MYO1E: variants seen among roughly 807,000 people sequenced by gnomAD.
The protein encoded by MYO1E is unconventional myosin-Ie.
In MYO1E, 68 loss-of-function variants were observed where a neutral mutation model predicts 151.1. The ratio of observed to expected loss-of-function variants is 0.45; its 90% CI spans 0.37 to 0.55. The LOEUF (loss-of-function observed/expected upper bound fraction) is 0.55. Among genes scored for constraint, MYO1E ranks in the 20% least tolerant of loss-of-function variants. The pLI, the probability that MYO1E is intolerant of heterozygous loss-of-function variation, is 0.00. For synonymous variants in MYO1E, 601 were observed against 501.7 expected (o/e 1.20, Z -2.64); for missense variants, 1,363 against 1,389.3 (o/e 0.98, Z 0.30).
At chr15:59,217,732 T>C (rs1040721271) in intron 10 of MYO1E, among the ~76,000 whole-genome samples, 159 bp downstream of exon 10, 4 of 151,836 alleles carry the variant, frequency 2.6e-5, no homozygotes, top group Admixed American at 2.6e-4. Flanking sequence ...CTCACCATGT[T>C]GCAGAGGCTG....
rs539776697 is a variant in MYO1E, at chr15:59,153,396, G to A, written c.3080+194C>T. Among the ~76,000 whole-genome samples, 3 of 152,306 alleles carry A rather than the reference G, an allele frequency of 2.0e-5. No homozygotes were observed. In the East Asian group the frequency reaches 5.8e-4, roughly 29 times the overall value. On this transcript the variant is annotated intron_variant, in intron 26 of 27. Transcript: ENST00000288235. ...CTCTGGAGAATGAAATGAATTGTGTGCTATTAATGTGACTGTACCTTTACA... is the reference window on the plus strand; with the variant it reads ...CTCTGGAGAATGAAATGAATTGTGTACTATTAATGTGACTGTACCTTTACA...
intron 19 of MYO1E, 137 bp from the exon 20 acceptor site, chr15:59,174,377 T>C: frequency 1.4e-6 from 1 of 710,014 alleles, no homozygotes; most frequent in South Asian, 1.5e-5. Flanking sequence ...CATGAACGAA[T>C]ATGTGAAACG....
chr15:59,207,478 T>G, intron 14 of MYO1E: 1 of 1,614,038 alleles, frequency 6.2e-7, no homozygotes, highest in Non-Finnish European at 8.5e-7. Flanking sequence ...CAGCCCCCAC[T>G]GCAAACTGAT....
chr15:59,213,822 C>T (rs1477796256), intron 12 of MYO1E, among the ~76,000 whole-genome samples: 4 of 152,130 alleles, frequency 2.6e-5, no homozygotes, highest in African/African-American at 4.8e-5. Flanking sequence ...ATTCAAATAC[C>T]AGCTTTGTTA....
At chr15:59,334,262 T>C (rs8041037) in intron 1 of MYO1E, among the ~76,000 whole-genome samples, 151,827 of 152,286 alleles carry the variant, frequency 1, 75,689 homozygotes, top group Middle Eastern at 1. Context: ...CCAGCCTGGG[T>C]AACCAAATGA....
chr15:59,328,655 G>T (rs1345308902), intron 1 of MYO1E, among the ~76,000 whole-genome samples: 1 of 152,106 alleles, frequency 6.6e-6, no homozygotes, highest in Non-Finnish European at 1.5e-5. Context: ...CAGATGTTTT[G>T]ATCAACCTGC....
intron 2 of MYO1E, among the ~76,000 whole-genome samples, chr15:59,271,381 T>C (rs1256135795): frequency 6.6e-6 from 1 of 152,218 alleles, no homozygotes; most frequent in African/African-American, 2.4e-5. Flanking sequence ...CATGATACCA[T>C]ACTTTCAGAA....
rs372609945 is a variant in MYO1E, at chr15:59,200,783, C to T, written c.1698+1543G>A. Among the ~76,000 whole-genome samples the T allele has an allele frequency of 5.3e-5, 8 of 152,252 alleles. No individual in the cohort carries two copies. The East Asian group carries it at 1.2e-3, about 22-fold the overall frequency. ...AATGAATTATGAAGCTGAATCATCA[C>T]AGTAATCTCTTAAGATAGACACTAA... On this transcript the variant is annotated intron_variant, in intron 16 of 27. Coordinates refer to ENST00000288235, the MANE Select transcript of MYO1E (RefSeq NM_004998.4).
rs1032438846 is a variant in MYO1E at position 59,142,945 on chromosome 15, C to T, written c.3081-4578G>A. Among the ~76,000 whole-genome samples, 78 of 137,070 alleles carry T rather than the reference C, an allele frequency of 5.7e-4. 3 individuals carry two copies. The highest frequency in any genetic ancestry group is 5.3e-5 in the African/African-American group (2 of 37,988). The allele number at this position is 137,070 out of a possible 152,430, so 89.9% of individuals were successfully genotyped here. ...CAAAAAAAAAAAAAAAAAAAAAAGGCGTCTAGATTGTTTTAAACTAGAGAT... is the reference window on the plus strand; with the variant it reads ...CAAAAAAAAAAAAAAAAAAAAAAGGTGTCTAGATTGTTTTAAACTAGAGAT... On this transcript the variant is annotated intron_variant, in intron 26 of 27. Coordinates refer to ENST00000288235, the MANE Select transcript of MYO1E (RefSeq NM_004998.4).
At chr15:59,252,289 G>A (rs570849328) in intron 4 of MYO1E, among the ~76,000 whole-genome samples, 1 of 152,296 alleles carries the variant, frequency 6.6e-6, no homozygotes, top group African/African-American at 2.4e-5. Flanking sequence ...CCATTAAAAT[G>A]AACCAAGGCC....
intron 18 of MYO1E, among the ~76,000 whole-genome samples, chr15:59,183,501 G>A (rs1242255200): frequency 3.3e-5 from 5 of 151,966 alleles, no homozygotes; most frequent in African/African-American, 1.2e-4. Flanking sequence ...CACCTGGACT[G>A]ATAAGTTTTT....
intron 17 of MYO1E, among the ~76,000 whole-genome samples, 161 bp downstream of exon 17, chr15:59,195,300 G>A (rs1435825238): frequency 6.6e-6 from 1 of 152,194 alleles, no homozygotes; most frequent in Non-Finnish European, 1.5e-5. Context: ...GACACGGAGG[G>A]GAAACAGTAT....
intron 1 of MYO1E, among the ~76,000 whole-genome samples, chr15:59,349,571 A>G (rs2080812624): frequency 6.6e-6 from 1 of 152,214 alleles, no homozygotes; most frequent in Admixed American, 6.5e-5. Context: ...ATTTTTTCAA[A>G]TAAGCAAACT....
intron 7 of MYO1E, among the ~76,000 whole-genome samples, chr15:59,226,958 A>T (rs2079995388): frequency 6.6e-6 from 1 of 152,232 alleles, no homozygotes; most frequent in South Asian, 2.1e-4. Flanking sequence ...GGCATTAAAG[A>T]TCCCAAACCT....
rs547066967 is a variant in MYO1E, at chr15:59,275,904, G to A, written c.4-3455C>T. ...TGCTGGGTAGGGGACAACAGAATTTGCTACTAGTGTGACTTGTCCAGAGGC... is the reference window on the plus strand; with the variant it reads ...TGCTGGGTAGGGGACAACAGAATTTACTACTAGTGTGACTTGTCCAGAGGC... On this transcript the variant is annotated intron_variant, in intron 1 of 27. Transcript: ENST00000288235. Among the ~76,000 whole-genome samples the A allele has an allele frequency of 5.9e-5, 9 of 152,322 alleles. 1 individual carries two copies. The highest frequency in any genetic ancestry group is 5.9e-4 in the Admixed American group (9 of 15,302).
intron 18 of MYO1E, among the ~76,000 whole-genome samples, chr15:59,186,544 T>A (rs147456204): frequency 6.6e-6 from 1 of 152,228 alleles, no homozygotes; most frequent in African/African-American, 2.4e-5. Context: ...GGTGGGAGGA[T>A]CACTTGAGAG....
chr15:59,238,293 A>C (rs1041527666), intron 4 of MYO1E, among the ~76,000 whole-genome samples: 1 of 152,228 alleles, frequency 6.6e-6, no homozygotes, highest in Admixed American at 6.5e-5. Flanking sequence ...TTTGGCAACA[A>C]TGAAACTCCA....
At chr15:59,151,618 T>C (rs1357778968) in intron 26 of MYO1E, among the ~76,000 whole-genome samples, 2 of 152,014 alleles carry the variant, frequency 1.3e-5, no homozygotes, top group Non-Finnish European at 2.9e-5. Flanking sequence ...TAATAGGGCA[T>C]AAAGATGAAT....
rs1292833345 is a variant in MYO1E, at chr15:59,136,643, G to A, written c.*737C>T. On this transcript the variant is annotated 3_prime_UTR_variant, in exon 28 of 28. Transcript: ENST00000288235. ...CAGTATATGATCTGTTTTTATAAAT[G>A]TACAGCTTGAAAAAAGATCCTTCTT... The A allele has an allele frequency of 2.2e-6, 1 of 455,738 alleles. No individual in the cohort carries two copies. The highest frequency in any genetic ancestry group is 6.9e-5 in the East Asian group (1 of 14,390). The allele number at this position is 455,738 out of a possible 1,614,324, so 28.2% of individuals were successfully genotyped here.
Sources: allele counts gnomAD v4.1 joint callset (sites outside exome capture counted in the v4.1 genomes callset), GRCh38; gene constraint gnomAD v4.1.1; transcripts MANE v1.5; gene names NCBI Gene and HGNC (gene_info 2026-07-23, HGNC 2026-07-21).